The following TMTC1 variants were observed in gnomAD, a reference collection of about 807,000 sequenced individuals.
TMTC1 encodes transmembrane O-mannosyltransferase targeting cadherins 1.
Under a neutral mutation model 104.8 loss-of-function variants are expected in TMTC1, and 73 were observed. The ratio of observed to expected loss-of-function variants is 0.70; its 90% CI spans 0.58 to 0.85. The LOEUF (loss-of-function observed/expected upper bound fraction) is 0.85. TMTC1 is among the 40% of genes least tolerant of loss of function. The probability of loss-of-function intolerance (pLI) is 0.00; values close to 1 mark genes in which losing one functional copy is unlikely to be tolerated. For missense variants in TMTC1, 1,035 were observed against 1,096.1 expected, an observed-to-expected ratio of 0.94 and a Z score of 0.79; for synonymous variants, 434 against 428.7, an observed-to-expected ratio of 1.01 and a Z score of -0.15.
At chr12:29,620,351 C>T (rs986087123) in intron 6 of TMTC1, among the ~76,000 whole-genome samples, 1 of 152,170 alleles carries the variant, frequency 6.6e-6, no homozygotes, top group Non-Finnish European at 1.5e-5. Flanking sequence ...AGCCTTGGGA[C>T]TCTCAATCTG....
At position 29,655,117 on chromosome 12, in the gene TMTC1, G is replaced by C. The variant is rs546801491; in HGVS notation, c.939-21781C>G. Among the ~76,000 whole-genome samples, 333 of 152,160 alleles carry C rather than the reference G, an allele frequency of 2.2e-3. 1 individual carries two copies. The highest frequency in any genetic ancestry group is 4.1e-3 in the Non-Finnish European group (276 of 67,998). Reference sequence around the variant, plus strand: ...AGGATGGTCTCCATCTCCTGACCTCGTGATCCGCCTGCCTCGGCCTCCCAA... The same window carrying C: ...AGGATGGTCTCCATCTCCTGACCTCCTGATCCGCCTGCCTCGGCCTCCCAA... On this transcript the variant is annotated intron_variant, in intron 5 of 17. Coordinates refer to ENST00000539277, the MANE Select transcript of TMTC1 (RefSeq NM_001193451.2).
chr12:29,590,480 C>A (rs553404094), intron 7 of TMTC1, among the ~76,000 whole-genome samples: 1 of 152,186 alleles, frequency 6.6e-6, no homozygotes, highest in East Asian at 1.9e-4. Flanking sequence ...CCCTGTCCCC[C>A]CTTTGCCTTT....
At chr12:29,675,409 G>A (rs1940686351) in intron 5 of TMTC1, among the ~76,000 whole-genome samples, 1 of 152,134 alleles carries the variant, frequency 6.6e-6, no homozygotes, top group Non-Finnish European at 1.5e-5. Flanking sequence ...TGGCACTAAG[G>A]AGCTTCGTGG....
chr12:29,780,433 T>A (rs1943808009), intron 1 of TMTC1, among the ~76,000 whole-genome samples: 1 of 152,188 alleles, frequency 6.6e-6, no homozygotes, highest in Non-Finnish European at 1.5e-5. Context: ...TACAACAGTA[T>A]TAAAATGGCA....
intron 5 of TMTC1, chr12:29,640,509 C>A (rs1422015575): frequency 6.6e-6 from 1 of 152,210 alleles, no homozygotes; most frequent in Non-Finnish European, 1.5e-5. Context: ...ACACGTCCCC[C>A]ACAACTGGAG....
chr12:29,778,882 A>G (rs553358233), intron 1 of TMTC1, among the ~76,000 whole-genome samples: 1 of 152,332 alleles, frequency 6.6e-6, no homozygotes, highest in East Asian at 1.9e-4. Context: ...CTATTATCCA[A>G]GTTGAAAGCC....
chr12:29,596,797 T>C (rs560120363), intron 7 of TMTC1, among the ~76,000 whole-genome samples: 125 of 152,244 alleles, frequency 8.2e-4, no homozygotes, highest in Non-Finnish European at 1.7e-3. Context: ...GACTGAATAT[T>C]TGGCTCTGCC....
intron 7 of TMTC1, among the ~76,000 whole-genome samples, chr12:29,597,348 G>C (rs1429909935): frequency 6.7e-6 from 1 of 148,576 alleles, no homozygotes; most frequent in Non-Finnish European, 1.5e-5. Flanking sequence ...ATGCTAAGAT[G>C]ACAGGTGTGA....
intron 5 of TMTC1, among the ~76,000 whole-genome samples, chr12:29,706,210 G>A (rs752487549): frequency 6.6e-6 from 1 of 152,122 alleles, no homozygotes. Flanking sequence ...GCAATGGGGT[G>A]GTCAAGAAAA....
At chr12:29,622,758 A>G (rs932965460) in intron 6 of TMTC1, among the ~76,000 whole-genome samples, 1 of 152,224 alleles carries the variant, frequency 6.6e-6, no homozygotes, top group African/African-American at 2.4e-5. Context: ...ATATAAATTC[A>G]AATGCCTTTC....
chr12:29,745,177 T>A (rs547928309), intron 5 of TMTC1, among the ~76,000 whole-genome samples: 44 of 152,266 alleles, frequency 2.9e-4, no homozygotes, highest in African/African-American at 1.0e-3. Flanking sequence ...CCCTTTTCAA[T>A]AAACTGTTTC....
intron 5 of TMTC1, among the ~76,000 whole-genome samples, chr12:29,668,391 A>G (rs949106728): frequency 3.3e-5 from 5 of 151,302 alleles, no homozygotes; most frequent in African/African-American, 1.2e-4. Context: ...TACTACCACA[A>G]TGGGGATTAA....
chr12:29,576,743 T>C (rs1020593030), intron 8 of TMTC1, among the ~76,000 whole-genome samples: 2 of 152,282 alleles, frequency 1.3e-5, no homozygotes, highest in Admixed American at 6.5e-5. Context: ...TATGGTATTG[T>C]ATATTTTAAG....
intron 5 of TMTC1, among the ~76,000 whole-genome samples, chr12:29,666,969 A>G (rs1158022041): frequency 6.6e-6 from 1 of 152,208 alleles, no homozygotes; most frequent in Non-Finnish European, 1.5e-5. Context: ...TTGGAATCAG[A>G]GCTTTTTCAA....
rs1483208030 is a variant in TMTC1, at chr12:29,708,084, C to T, written c.938+43582G>A. Among the ~76,000 whole-genome samples, 3 of 152,140 alleles carry T rather than the reference C, an allele frequency of 2.0e-5. 1 individual carries two copies. The highest frequency in any genetic ancestry group is 4.4e-5 in the Non-Finnish European group (3 of 68,030). On this transcript the variant is annotated intron_variant, in intron 5 of 17. Transcript: ENST00000539277. ...TCTTTTCATATGCCAGGCAGTGTGC[C>T]CAGTACTGTGGGATATGTCAGGGAA...
rs1943896505 is a variant in TMTC1 at position 29,783,792 on chromosome 12, G to C, written c.-41C>G. On this transcript the variant is annotated 5_prime_UTR_variant, in exon 1 of 18. Transcript: ENST00000539277. The surrounding 1 kb of genome is among the most constrained non-coding windows in gnomAD (Gnocchi z 4.7). The stretch of plus-strand genomic sequence containing the variant: ...GCTGCTGCCCTGGCCTCTCCCGGGC[G>C]TCTGGCATCCTCCCCTACCGGGGCC... 2.7e-6 allele frequency: 3 copies of C among 1,127,342 alleles called. No homozygotes were observed. The highest frequency in any genetic ancestry group is 3.3e-6 in the Non-Finnish European group (3 of 923,046). The allele number at this position is 1,127,342 out of a possible 1,614,324, so 69.8% of individuals were successfully genotyped here.
chr12:29,698,417 T>C (rs548000286), intron 5 of TMTC1, among the ~76,000 whole-genome samples: 6 of 152,298 alleles, frequency 3.9e-5, no homozygotes, highest in African/African-American at 1.4e-4. Flanking sequence ...CTCCTGTTAG[T>C]CTATCTATTG....
chr12:29,770,528 C>T (rs1943571849), intron 1 of TMTC1, among the ~76,000 whole-genome samples: 1 of 152,168 alleles, frequency 6.6e-6, no homozygotes, highest in Non-Finnish European at 1.5e-5. Flanking sequence ...AGATATCGTT[C>T]ATGCATCAGA....
chr12:29,541,881 T>A (rs1322973474), intron 10 of TMTC1, among the ~76,000 whole-genome samples: 3 of 152,002 alleles, frequency 2.0e-5, no homozygotes, highest in Non-Finnish European at 4.4e-5. Flanking sequence ...ATGATCTCAA[T>A]CTCTTGACCT....
Sources: allele counts gnomAD v4.1 joint callset (sites outside exome capture counted in the v4.1 genomes callset), GRCh38; gene constraint gnomAD v4.1.1; non-coding constraint Gnocchi (gnomAD v3.1); transcripts MANE v1.5; gene names NCBI Gene and HGNC (gene_info 2026-07-23, HGNC 2026-07-21).